Variants in PTDSS1 observed in about 807,000 individuals in gnomAD.
The protein encoded by PTDSS1 is PSS-1.
PTDSS1 carries 45 observed loss-of-function variants against 70.5 expected under a neutral mutation model. The observed-to-expected ratio is 0.64, with a 90% CI of 0.50 to 0.82. The LOEUF (loss-of-function observed/expected upper bound fraction) is 0.82, where lower values mean the gene tolerates loss of function less well. Among genes scored for constraint, PTDSS1 ranks in the 40% least tolerant of loss-of-function variants. The pLI is 0.00. For missense variants in PTDSS1, 417 were observed against 586.1 expected (o/e 0.71, Z 2.98); for synonymous variants, 188 against 203.8 (o/e 0.92, Z 0.66).
In PTDSS1 at chr8:96,333,685, C is replaced by A; in HGVS notation, c.*119C>A. ...CAGGGCAAGCAGGAAGAGGCGAGGG[C>A]ACTTGGGGGTCATTATTTGAGATCG... On this transcript the variant is annotated 3_prime_UTR_variant, in exon 13 of 13. Transcript: ENST00000517309. The A allele has an allele frequency of 1.1e-6, 1 of 906,428 alleles. No individual in the cohort carries two copies. The highest frequency in any genetic ancestry group is 1.4e-5 in the South Asian group (1 of 73,732). The allele number at this position is 906,428 out of a possible 1,614,324, so 56.1% of individuals were successfully genotyped here.
chr8:96,295,326 G>A, intron 5 of PTDSS1, 70 bp downstream of exon 5: 5 of 1,448,084 alleles, frequency 3.5e-6, no homozygotes, highest in Non-Finnish European at 4.6e-6. Context: ...GAAAAAGTAT[G>A]TCAGTTAACA....
chr8:96,262,237 A>G lies in PTDSS1; in HGVS notation c.179+18A>G. On this transcript the variant is annotated intron_variant, in intron 1 of 12. Transcript: ENST00000517309. This position sits in a 1 kb window ranked among gnomAD's most constrained non-coding sequence, Gnocchi z 4.4. ...TTTACCAGGTGGGGCGGCCCAGCCG[A>G]GCGGGGGGCGCGTCCAAGGGCTAGG... 1 of 1,270,088 alleles carries G rather than the reference A, an allele frequency of 7.9e-7. No homozygotes were observed. 78.7% of individuals were successfully genotyped at this position (1,270,088 alleles called of 1,614,324 possible).
chr8:96,330,371 G>T lies in PTDSS1; in HGVS notation c.1242+90G>T. The T allele has an allele frequency of 2.3e-6, 3 of 1,309,432 alleles. No individual in the cohort carries two copies. In the Admixed American group the frequency reaches 5.7e-5, roughly 25 times the overall value. 81.1% of individuals were successfully genotyped at this position (1,309,432 alleles called of 1,614,324 possible). A position where few individuals can be genotyped will look rare whatever the true frequency, so the allele number is the denominator to read the frequency against. On this transcript the variant is annotated intron_variant, in intron 11 of 12. Transcript: ENST00000517309. ...TCAGAGCACGTGCCTGTAAGGATAT[G>T]GCGAGGTAAACACTGAGGTTGGGGC...
intron 9 of PTDSS1, among the ~76,000 whole-genome samples, chr8:96,312,460 C>G (rs527390029): frequency 4.8e-4 from 69 of 144,786 alleles, no homozygotes; most frequent in Non-Finnish European, 7.0e-4. Context: ...CCCTGTCTCT[C>G]TCTTTTTTTT....
chr8:96,311,845 G>GC (rs1811216233), intron 9 of PTDSS1, among the ~76,000 whole-genome samples: 1 of 152,176 alleles, frequency 6.6e-6, no homozygotes, highest in South Asian at 2.1e-4. Context: ...ATGTGTGAGG[G>GC]CCCTGTGTAC....
intron 12 of PTDSS1, 48 bp from the exon 13 acceptor site, chr8:96,333,409 C>A: frequency 6.5e-7 from 1 of 1,544,300 alleles, no homozygotes; most frequent in Non-Finnish European, 9.0e-7. Flanking sequence ...GGACAGTCAC[C>A]AATCTCCAGA....
chr8:96,301,018 T>C (rs1417872006), intron 6 of PTDSS1, among the ~76,000 whole-genome samples: 1 of 152,238 alleles, frequency 6.6e-6, no homozygotes, highest in Non-Finnish European at 1.5e-5. Flanking sequence ...TGATACTGGA[T>C]TTCTATCAAT....
At chr8:96,320,922 C>A (rs1173615794) in intron 10 of PTDSS1, among the ~76,000 whole-genome samples, 1 of 152,156 alleles carries the variant, frequency 6.6e-6, no homozygotes, top group Non-Finnish European at 1.5e-5. Context: ...GGGGCTCTTC[C>A]CTCACCTTTC....
chr8:96,286,832 C>G (rs1810829090), intron 3 of PTDSS1, among the ~76,000 whole-genome samples, 190 bp from the exon 4 acceptor site: 1 of 152,210 alleles, frequency 6.6e-6, no homozygotes, highest in Non-Finnish European at 1.5e-5. Context: ...CTTGACCACT[C>G]TCAATCTGAA....
chr8:96,303,239 T>C (rs184235985), intron 6 of PTDSS1, among the ~76,000 whole-genome samples: 1 of 152,284 alleles, frequency 6.6e-6, no homozygotes, highest in Non-Finnish European at 1.5e-5. Flanking sequence ...TTGCTGCCAG[T>C]GTGCCGCAGA....
chr8:96,268,634 CTT>C (rs78192816), intron 1 of PTDSS1, among the ~76,000 whole-genome samples: 157 of 136,942 alleles, frequency 1.1e-3, no homozygotes, highest in Admixed American at 1.2e-3. Context: ...GGAGTGCAAA[CTT>C]TTTTTTTTTT....
At position 96,265,861 on chromosome 8, in the gene PTDSS1, G is replaced by A. The variant is rs151093883; in HGVS notation, c.179+3642G>A. 3.9e-3 allele frequency among the ~76,000 whole-genome samples: 596 copies of A among 152,368 alleles called. 2 individuals are homozygous for A. Among genetic ancestry groups the A allele is most frequent in the African/African-American group, 0.014 (565 of 41,588 alleles). ...AATCCTAGCACTTTGGGAAGCCAAG[G>A]TGGGAGGATTGCTTGAGGCCAAGAG... On this transcript the variant is annotated intron_variant, in intron 1 of 12. Coordinates refer to ENST00000517309, the MANE Select transcript of PTDSS1 (RefSeq NM_014754.3).
chr8:96,301,654 G>C (rs927419138), intron 6 of PTDSS1, among the ~76,000 whole-genome samples: 3 of 151,736 alleles, frequency 2.0e-5, no homozygotes, highest in African/African-American at 7.3e-5. Context: ...CGAGTAGCTG[G>C]GATTAGCCAC....
chr8:96,313,288 G>C (rs1355441294), intron 9 of PTDSS1, among the ~76,000 whole-genome samples: 1 of 152,230 alleles, frequency 6.6e-6, no homozygotes. Context: ...TCAGCAGAGA[G>C]AGGGCGCCAT....
chr8:96,288,852 C>T (rs1381167942), intron 4 of PTDSS1, among the ~76,000 whole-genome samples: 1 of 151,862 alleles, frequency 6.6e-6, no homozygotes, highest in African/African-American at 2.4e-5. Context: ...TGGTCTCAAA[C>T]TCCTGACCTT....
chr8:96,288,581 C>T (rs1346201214), intron 4 of PTDSS1, among the ~76,000 whole-genome samples: 1 of 150,450 alleles, frequency 6.6e-6, no homozygotes, highest in East Asian at 2.0e-4. Flanking sequence ...CTGCTTCGGC[C>T]TCCTAGAGTG....
At chr8:96,275,252 C>G (rs1283482733) in intron 2 of PTDSS1, among the ~76,000 whole-genome samples, 1 of 152,162 alleles carries the variant, frequency 6.6e-6, no homozygotes, top group Non-Finnish European at 1.5e-5. Flanking sequence ...AACTCCTGGG[C>G]TCAGGCAATC....
At chr8:96,322,678 G>A (rs1449028011) in intron 10 of PTDSS1, among the ~76,000 whole-genome samples, 6 of 152,026 alleles carry the variant, frequency 3.9e-5, no homozygotes, top group East Asian at 1.9e-4. Flanking sequence ...CCTGACCCCC[G>A]CTTCTCACAT....
At chr8:96,298,134 C>G (rs138382355) in intron 5 of PTDSS1, among the ~76,000 whole-genome samples, 2 of 152,124 alleles carry the variant, frequency 1.3e-5, no homozygotes, top group African/African-American at 4.8e-5. Flanking sequence ...GGCTCCATCT[C>G]GTGGCTTGGA....
Sources: allele counts gnomAD v4.1 joint callset (sites outside exome capture counted in the v4.1 genomes callset), GRCh38; gene constraint gnomAD v4.1.1; non-coding constraint Gnocchi (gnomAD v3.1); transcripts MANE v1.5; gene names NCBI Gene and HGNC (gene_info 2026-07-23, HGNC 2026-07-21).